Variants in NFU1 observed in about 807,000 individuals in gnomAD.
NFU1 encodes the protein NFU1 iron-sulfur cluster scaffold.
In NFU1, 30 loss-of-function variants were observed where a neutral mutation model predicts 32.2. That is an observed-to-expected ratio of 0.93 (90% CI 0.70 to 1.26). The LOEUF (loss-of-function observed/expected upper bound fraction) is 1.26. Ranked by LOEUF, NFU1 falls within the 50% of genes most tolerant of loss-of-function variation. NFU1 has a pLI of 0.00. For synonymous variants in NFU1, 112 were observed against 104.6 expected, an observed-to-expected ratio of 1.07 and a Z score of -0.43; for missense variants, 306 against 306.6, an observed-to-expected ratio of 1.00 and a Z score of 0.02.
At chr2:69,427,996 C>G (rs2104805608) in intron 2 of NFU1, among the ~76,000 whole-genome samples, 1 of 152,020 alleles carries the variant, frequency 6.6e-6, no homozygotes, top group Admixed American at 6.6e-5. Flanking sequence ...ACAGTCCAGC[C>G]TGGGCAACAG....
Position 69,423,243 on chromosome 2 carries a change from AGTGTGTGTGTGTGTGTGTGT to A in NFU1, c.302+319_302+338del, listed in dbSNP as rs772105664. The stretch of plus-strand genomic sequence containing the variant: ...CGGGTAGAGATGGGCTCTCTGTGTG[AGTGTGTGTGTGTGTGTGTGT>A]GTGTGTGTGTGTGTGTGTGTGTGTG... On this transcript the variant is annotated intron_variant, in intron 3 of 7. Coordinates refer to ENST00000410022, the MANE Select transcript of NFU1 (RefSeq NM_001002755.4). Among the ~76,000 whole-genome samples, 325 of 88,028 alleles carry A rather than the reference AGTGTGTGTGTGTGTGTGTGT, an allele frequency of 3.7e-3. 1 individual carries two copies. The highest frequency in any genetic ancestry group is 5.4e-3 in the Non-Finnish European group (265 of 48,770). 57.7% of individuals were successfully genotyped at this position (88,028 alleles called of 152,430 possible). A position where few individuals can be genotyped will look rare whatever the true frequency, so the allele number is the denominator to read the frequency against.
In NFU1 at chr2:69,406,378, A is replaced by G. The variant is rs113742680; in HGVS notation, c.485-296T>C. 3.8e-3 allele frequency among the ~76,000 whole-genome samples: 583 copies of G among 152,308 alleles called. 4 individuals are homozygous for G. Among genetic ancestry groups the G allele is most frequent in the African/African-American group, 0.013 (554 of 41,572 alleles). Reference sequence around the variant, plus strand: ...AGGGTATGAAATTTTAAGCCAGTAAATATGCAGACATTCTCTGTTCTCAAG... The same window carrying G: ...AGGGTATGAAATTTTAAGCCAGTAAGTATGCAGACATTCTCTGTTCTCAAG... On this transcript the variant is annotated intron_variant, in intron 5 of 7. Transcript: ENST00000410022.
intron 3 of NFU1, among the ~76,000 whole-genome samples, chr2:69,422,000 C>T (rs1271265483): frequency 6.6e-6 from 1 of 151,900 alleles, no homozygotes; most frequent in Non-Finnish European, 1.5e-5. Flanking sequence ...ACATATATAC[C>T]TATGATAAAG....
intron 1 of NFU1, among the ~76,000 whole-genome samples, chr2:69,433,414 A>T (rs1394794791): frequency 6.6e-6 from 1 of 151,708 alleles, no homozygotes; most frequent in East Asian, 2.0e-4. Context: ...TCTTGACCTC[A>T]GGTGATCCTC....
At chr2:69,418,924 A>G (rs1025721201) in intron 4 of NFU1, among the ~76,000 whole-genome samples, 4 of 152,338 alleles carry the variant, frequency 2.6e-5, no homozygotes, top group South Asian at 4.1e-4. Context: ...AAAAGGATAC[A>G]TAGTTCAAAT....
chr2:69,411,387 A>T (rs1338332419), intron 5 of NFU1, among the ~76,000 whole-genome samples: 1 of 152,186 alleles, frequency 6.6e-6, no homozygotes, highest in Non-Finnish European at 1.5e-5. Context: ...TAAATAACTT[A>T]CTAAAACAAG....
At chr2:69,438,775 G>A (rs977114648), upstream of NFU1, among the ~76,000 whole-genome samples, 13 of 151,918 alleles carry the variant, frequency 8.6e-5, no homozygotes, top group Non-Finnish European at 1.6e-4. Flanking sequence ...GCCCGGGCCC[G>A]CACACTGAGT....
chr2:69,419,214 C>CGGG (rs56187913), intron 4 of NFU1, among the ~76,000 whole-genome samples: 8 of 146,382 alleles, frequency 5.5e-5, no homozygotes, highest in Non-Finnish European at 1.1e-4. Flanking sequence ...CTCAGGGTGG[C>CGGG]GGGGGGGGGC....
intron 7 of NFU1, chr2:69,399,230 ATG>A: frequency 3.5e-5 from 11 of 318,356 alleles, no homozygotes; most frequent in East Asian, 9.8e-5. Flanking sequence ...AAAAAAAAGA[ATG>A]AATTACCTGA....
chr2:69,397,688 G>A (rs911245944), intron 7 of NFU1, among the ~76,000 whole-genome samples: 1 of 151,890 alleles, frequency 6.6e-6, no homozygotes, highest in African/African-American at 2.4e-5. Flanking sequence ...TGAGGCAGGT[G>A]GATCACCTGA....
chr2:69,416,755 C>T (rs997959797), intron 4 of NFU1, among the ~76,000 whole-genome samples: 1 of 151,872 alleles, frequency 6.6e-6, no homozygotes, highest in African/African-American at 2.4e-5. Context: ...AAAAATTAGC[C>T]GGCGTGGTTG....
chr2:69,435,859 T>C, intron 1 of NFU1, among the ~76,000 whole-genome samples: 1 of 150,390 alleles, frequency 6.6e-6, no homozygotes, highest in Non-Finnish European at 1.5e-5. Context: ...TTCAAGCAAT[T>C]CCCCTGCCTC....
At chr2:69,410,795 T>A (rs1672854417) in intron 5 of NFU1, 1 of 152,142 alleles carries the variant, frequency 6.6e-6, no homozygotes, top group South Asian at 2.1e-4. Flanking sequence ...TGAAAAAATA[T>A]CAATGTTGAA....
At chr2:69,405,924 G>A in intron 6 of NFU1, 98 bp downstream of exon 6, 1 of 803,244 alleles carries the variant, frequency 1.2e-6, no homozygotes, top group Non-Finnish European at 2.2e-6. Flanking sequence ...CACTTATTTT[G>A]AAAATCTACT....
chr2:69,428,171 C>T (rs1326393769), intron 2 of NFU1, among the ~76,000 whole-genome samples: 1 of 151,748 alleles, frequency 6.6e-6, no homozygotes, highest in Non-Finnish European at 1.5e-5. Flanking sequence ...TGCCTATAAT[C>T]CCCAGCACTT....
chr2:69,427,385 CA>C (rs899491409), intron 2 of NFU1, among the ~76,000 whole-genome samples: 6 of 130,888 alleles, frequency 4.6e-5, no homozygotes, highest in African/African-American at 1.2e-4. Context: ...AACTCCATCT[CA>C]AAAAAAAATA....
At chr2:69,396,566 TG>T (rs1394851785) in intron 7 of NFU1, among the ~76,000 whole-genome samples, 1 of 151,876 alleles carries the variant, frequency 6.6e-6, no homozygotes, top group Non-Finnish European at 1.5e-5. Flanking sequence ...GGCAGGAGGA[TG>T]GCGTGAACCT....
upstream of NFU1, among the ~76,000 whole-genome samples, chr2:69,439,559 C>A (rs2104834227): frequency 6.6e-6 from 1 of 152,348 alleles, no homozygotes; most frequent in East Asian, 1.9e-4. Flanking sequence ...GGGACCCAAG[C>A]AGGTTGCCAC....
intron 6 of NFU1, among the ~76,000 whole-genome samples, chr2:69,401,625 A>G (rs1473851927): frequency 6.6e-6 from 1 of 152,204 alleles, no homozygotes; most frequent in Non-Finnish European, 1.5e-5. Flanking sequence ...AATATACCTG[A>G]AAGTGAAATT....
Sources: allele counts gnomAD v4.1 joint callset (sites outside exome capture counted in the v4.1 genomes callset), GRCh38; gene constraint gnomAD v4.1.1; transcripts MANE v1.5; gene names NCBI Gene and HGNC (gene_info 2026-07-23, HGNC 2026-07-21).